KDM4C: variants seen among roughly 807,000 people sequenced by gnomAD.
KDM4C encodes lysine demethylase 4C, also known as lysine-specific demethylase 4C.
KDM4C carries 81 observed loss-of-function variants against 129.3 expected under a neutral mutation model. The observed-to-expected ratio is 0.63, with a 90% confidence interval of 0.52 to 0.75. The LOEUF (loss-of-function observed/expected upper bound fraction) is 0.75. Among genes scored for constraint, KDM4C ranks in the 30% least tolerant of loss-of-function variants. The pLI is 0.00. For synonymous variants in KDM4C, 573 were observed against 456.1 expected, an observed-to-expected ratio of 1.26 and a Z score of -3.26; for missense variants, 1,457 against 1,304.0, an observed-to-expected ratio of 1.12 and a Z score of -1.81.
rs1339880581 is a variant in KDM4C at position 6,943,631 on chromosome 9, C to T, written c.922-37294C>T. On this transcript the variant is annotated intron_variant, in intron 8 of 21. Coordinates refer to ENST00000381309, the MANE Select transcript of KDM4C (RefSeq NM_015061.6). Reference sequence around the variant, plus strand: ...TCAAAACTGCAGTGAGCCATAATTGCCCCACTGCACTCCAGTCTGGGCGAC... The same window carrying T: ...TCAAAACTGCAGTGAGCCATAATTGTCCCACTGCACTCCAGTCTGGGCGAC... Among the ~76,000 whole-genome samples, 6 of 152,000 alleles carry T rather than the reference C, an allele frequency of 3.9e-5. No homozygotes were observed. In the East Asian group the frequency reaches 1.2e-3, roughly 29 times the overall value.
intron 17 of KDM4C, 124 bp from the exon 18 acceptor site, chr9:7,103,561 C>T (rs1166636999): frequency 1.3e-6 from 1 of 754,594 alleles, no homozygotes; most frequent in Admixed American, 2.8e-5. Context: ...GGGGTCAGGA[C>T]TTGTTGATGT....
At chr9:6,728,853 A>G (rs571086036) in intron 1 of KDM4C, among the ~76,000 whole-genome samples, 211 of 152,094 alleles carry the variant, frequency 1.4e-3, no homozygotes, top group African/African-American at 4.9e-3. Flanking sequence ...CTCAAAAAAC[A>G]AAACAAAACA....
intron 8 of KDM4C, among the ~76,000 whole-genome samples, chr9:6,920,130 G>A (rs1821206507): frequency 6.6e-6 from 1 of 152,078 alleles, no homozygotes; most frequent in African/African-American, 2.4e-5. Flanking sequence ...GGTTTTTATG[G>A]ACAATTTGGT....
chr9:7,079,760 G>A (rs889861630), intron 17 of KDM4C, among the ~76,000 whole-genome samples: 2 of 152,148 alleles, frequency 1.3e-5, no homozygotes, highest in African/African-American at 2.4e-5. Flanking sequence ...ACTGGGATCC[G>A]TGTATTCCAG....
chr9:6,743,097 G>T (rs1378199378), intron 1 of KDM4C, among the ~76,000 whole-genome samples: 2 of 152,118 alleles, frequency 1.3e-5, no homozygotes, highest in Admixed American at 6.6e-5. Flanking sequence ...AGACATCCTT[G>T]TAGAAAAAAA....
intron 4 of KDM4C, among the ~76,000 whole-genome samples, chr9:6,829,440 G>T (rs1199852385): frequency 6.6e-6 from 1 of 152,222 alleles, no homozygotes; most frequent in Non-Finnish European, 1.5e-5. Context: ...AAACTCAGAG[G>T]TGAAAAGTGA....
At chr9:7,083,159 T>G (rs1156980308) in intron 17 of KDM4C, among the ~76,000 whole-genome samples, 2 of 152,212 alleles carry the variant, frequency 1.3e-5, no homozygotes, top group African/African-American at 2.4e-5. Flanking sequence ...CACATTGAGG[T>G]TGAGTATCTC....
At chr9:7,058,053 T>C (rs925045001) in intron 17 of KDM4C, among the ~76,000 whole-genome samples, 1 of 152,184 alleles carries the variant, frequency 6.6e-6, no homozygotes, top group African/African-American at 2.4e-5. Context: ...CAGGATACCC[T>C]CTCATCTATT....
At chr9:7,014,799 T>C (rs1823347245) in intron 14 of KDM4C, among the ~76,000 whole-genome samples, 1 of 152,090 alleles carries the variant, frequency 6.6e-6, no homozygotes, top group Admixed American at 6.6e-5. Context: ...TGAAACAGCT[T>C]CCTCATCTAT....
At chr9:6,897,341 C>T (rs559189875) in intron 8 of KDM4C, among the ~76,000 whole-genome samples, 3 of 152,150 alleles carry the variant, frequency 2.0e-5, no homozygotes, top group Non-Finnish European at 4.4e-5. Context: ...GATAATGGCC[C>T]AGGCCTTACC....
At chr9:6,738,609 C>T (rs772114144) in intron 1 of KDM4C, among the ~76,000 whole-genome samples, 32 of 151,830 alleles carry the variant, frequency 2.1e-4, no homozygotes, top group Non-Finnish European at 4.0e-4. Context: ...CTAATTTATT[C>T]ATTTACTTAT....
At position 7,015,879 on chromosome 9, in the gene KDM4C, A is replaced by T; in HGVS notation, c.2209A>T (p.Ile737Phe). Reference protein sequence around the residue: ...ASCYGIPSHEICDGWLCARCK... With the variant: ...ASCYGIPSHEFCDGWLCARCK... ...TTGTTATGGTATTCCTTCTCATGAG[A>T]TCTGTGATGGATGGCTGTGTGCCCG... is the stretch of plus-strand genomic sequence containing the variant. The change falls in exon 15 of 22, where the codon ATC (isoleucine) becomes TTC (phenylalanine). Residue 737 changes from isoleucine (I) to phenylalanine (F), a missense_variant. Transcript: ENST00000381309. 1.2e-6 allele frequency: 2 copies of T among 1,612,576 alleles called. No homozygotes were observed. Among genetic ancestry groups the T allele is most frequent in the Non-Finnish European group, 1.7e-6 (2 of 1,178,876 alleles).
chr9:6,759,824 G>A (rs1348124775), intron 1 of KDM4C, among the ~76,000 whole-genome samples: 1 of 151,496 alleles, frequency 6.6e-6, no homozygotes, highest in Non-Finnish European at 1.5e-5. Flanking sequence ...ATGGTGGCAG[G>A]CGCCTGTAAT....
chr9:6,767,297 C>A (rs1027314159), intron 1 of KDM4C, among the ~76,000 whole-genome samples: 4 of 151,544 alleles, frequency 2.6e-5, no homozygotes, highest in South Asian at 2.1e-4. Context: ...CCTCACCTCA[C>A]GCCCGGCTAA....
intron 8 of KDM4C, among the ~76,000 whole-genome samples, chr9:6,971,892 A>G (rs1300566424): frequency 1.3e-5 from 2 of 152,184 alleles, no homozygotes; most frequent in African/African-American, 2.4e-5. Flanking sequence ...ACTTGTTTCT[A>G]ACATTGCTGG....
In KDM4C at chr9:7,103,720, C is replaced by T. The variant is rs749651850; in HGVS notation, c.2460C>T (p.Val820=). The T allele has an allele frequency of 1.4e-5, 22 of 1,613,756 alleles. No individual in the cohort carries two copies. The highest frequency in any genetic ancestry group is 1.9e-5 in the Non-Finnish European group (22 of 1,179,916). The change falls in exon 18 of 22, where the codon GTC becomes GTT. Residue 820 remains valine (V), a synonymous_variant. Coordinates refer to ENST00000381309, the MANE Select transcript of KDM4C (RefSeq NM_015061.6). ...CIFCRHRVKR[V]SGACIQCSYG... ...TCTGCAGACACCGGGTTAAGAGGGT[C>T]TCTGGAGCCTGCATCCAGTGTTCCT... is the stretch of plus-strand genomic sequence containing the variant.
intron 17 of KDM4C, among the ~76,000 whole-genome samples, chr9:7,097,215 C>A (rs1004756905): frequency 3.3e-5 from 5 of 152,200 alleles, no homozygotes; most frequent in Non-Finnish European, 2.9e-5. Flanking sequence ...GGCCCTGGGT[C>A]CCTGTGGCTG....
intron 17 of KDM4C, among the ~76,000 whole-genome samples, chr9:7,088,025 G>C (rs1835342240): frequency 6.6e-6 from 1 of 152,138 alleles, no homozygotes; most frequent in African/African-American, 2.4e-5. Flanking sequence ...CAGATTTCTG[G>C]GCTCCCACTT....
intron 8 of KDM4C, among the ~76,000 whole-genome samples, chr9:6,952,497 G>T (rs1241893896): frequency 2.0e-5 from 3 of 151,620 alleles, no homozygotes; most frequent in Non-Finnish European, 2.9e-5. Flanking sequence ...CTGGAGTGCA[G>T]TGGCACGATC....
Sources: allele counts gnomAD v4.1 joint callset (sites outside exome capture counted in the v4.1 genomes callset), GRCh38; gene constraint gnomAD v4.1.1; transcripts MANE v1.5; gene names NCBI Gene and HGNC (gene_info 2026-07-23, HGNC 2026-07-21).